PCDHA12: variants seen among roughly 807,000 people sequenced by gnomAD.
PCDHA12 encodes protocadherin alpha-12.
In PCDHA12, 44 loss-of-function variants were observed where a neutral mutation model predicts 60.0. That is an observed-to-expected ratio of 0.73 (90% CI 0.58 to 0.94). PCDHA12 has a LOEUF of 0.94. Ranked by LOEUF, PCDHA12 falls within the 40% of genes least tolerant of loss-of-function variation. The pLI is 0.00. For synonymous variants in PCDHA12, 569 were observed against 553.0 expected, an observed-to-expected ratio of 1.03 and a Z score of -0.40; for missense variants, 1,276 against 1,239.7, an observed-to-expected ratio of 1.03 and a Z score of -0.44.
intron 2 of PCDHA12, among the ~76,000 whole-genome samples, chr5:140,979,920 C>T (rs1554241253): frequency 6.6e-6 from 1 of 152,206 alleles, no homozygotes; most frequent in Non-Finnish European, 1.5e-5. Flanking sequence ...AAGAGAAAGC[C>T]TACAAAGTAT....
intron 3 of PCDHA12, among the ~76,000 whole-genome samples, chr5:141,002,612 C>G (rs1487847560): frequency 1.3e-5 from 2 of 152,178 alleles, no homozygotes; most frequent in Non-Finnish European, 2.9e-5. Context: ...AAAACAGACA[C>G]ATAACACAGA....
intron 3 of PCDHA12, among the ~76,000 whole-genome samples, chr5:140,983,419 A>G (rs1209385386): frequency 5.3e-5 from 8 of 152,210 alleles, no homozygotes; most frequent in Non-Finnish European, 1.2e-4. Flanking sequence ...GTGTTGGTAG[A>G]GACCACAAAT....
chr5:140,959,320 A>C (rs2095480939), intron 1 of PCDHA12, among the ~76,000 whole-genome samples: 1 of 152,108 alleles, frequency 6.6e-6, no homozygotes, highest in Non-Finnish European at 1.5e-5. Context: ...AGCTGCAATA[A>C]GTTTTGATTA....
At position 140,876,684 on chromosome 5, in the gene PCDHA12, C is replaced by T. The variant is rs973560970; in HGVS notation, c.1212C>T (p.Tyr404=). 1.8e-5 allele frequency: 29 copies of T among 1,614,110 alleles called. No individual in the cohort carries two copies. The highest frequency in any genetic ancestry group is 3.3e-5 in the Admixed American group (2 of 60,008). The change falls in exon 1 of 4, where the codon TAC becomes TAT. Residue 404 remains tyrosine (Y), a synonymous_variant. Transcript: ENST00000398631. ...PFKLVSTYKN[Y]YSLVLDSALD... ...AGCTGGTGTCCACCTACAAGAATTACTACTCGTTGGTGCTGGACAGCGCCC... is the reference window on the plus strand; with the variant it reads ...AGCTGGTGTCCACCTACAAGAATTATTACTCGTTGGTGCTGGACAGCGCCC...
At chr5:140,908,179 C>T (rs1158845408) in intron 1 of PCDHA12, among the ~76,000 whole-genome samples, 1 of 152,194 alleles carries the variant, frequency 6.6e-6, no homozygotes, top group Non-Finnish European at 1.5e-5. Context: ...CAGCTGTCCA[C>T]TTTCAGGTGG....
intron 1 of PCDHA12, among the ~76,000 whole-genome samples, chr5:140,888,192 A>T (rs906159358): frequency 6.6e-6 from 1 of 152,120 alleles, no homozygotes; most frequent in Non-Finnish European, 1.5e-5. Context: ...TGAATTTTAC[A>T]TTGTCGGATG....
In PCDHA12 at chr5:140,876,283, G is replaced by T; in HGVS notation, c.811G>T (p.Glu271Ter). The change falls in exon 1 of 4, where the codon GAA becomes TAA. Residue 271 changes from glutamate to a stop codon, truncating the protein, a stop_gained. Transcript: ENST00000398631. LOFTEE classifies it high-confidence loss of function. ...CCAACTAAATGCTTCCGATCCAGAC[G>T]AAGGACTTAATGGAGAAATTTCCTA... ...VIQLNASDPD[E>*]GLNGEISYGI... 6.2e-7 allele frequency: 1 copy of T among 1,614,056 alleles called. No individual in the cohort carries two copies. The highest frequency in any genetic ancestry group is 8.5e-7 in the Non-Finnish European group (1 of 1,179,904).
rs1554254172 is a variant in PCDHA12, at chr5:140,994,436, C to G, written c.2515+11873C>G. On this transcript the variant is annotated intron_variant, in intron 3 of 3. Coordinates refer to ENST00000398631, the MANE Select transcript of PCDHA12 (RefSeq NM_018903.4). ...TGGATATTGAGGCCGGGCGCAGTGG[C>G]TCACACCTGTGATCCCAGCACTTTG... 1.3e-5 allele frequency among the ~76,000 whole-genome samples: 2 copies of G among 152,164 alleles called. 1 individual carries two copies. Among genetic ancestry groups the G allele is most frequent in the African/African-American group, 4.8e-5 (2 of 41,432 alleles).
At chr5:140,919,932 C>A (rs2079357842) in intron 1 of PCDHA12, among the ~76,000 whole-genome samples, 1 of 151,968 alleles carries the variant, frequency 6.6e-6, no homozygotes, top group Non-Finnish European at 1.5e-5. Flanking sequence ...CAGGTGGGGG[C>A]TAATTCCAGT....
intron 1 of PCDHA12, among the ~76,000 whole-genome samples, chr5:140,922,977 G>C (rs935363543): frequency 3.9e-5 from 6 of 152,204 alleles, no homozygotes; most frequent in Non-Finnish European, 5.9e-5. Context: ...GCATATCTCA[G>C]ACAATAGGCA....
intron 2 of PCDHA12, among the ~76,000 whole-genome samples, chr5:140,979,343 AATT>A (rs1482354475): frequency 8.6e-5 from 13 of 152,024 alleles, no homozygotes; most frequent in African/African-American, 3.1e-4. Flanking sequence ...TAAAAACTGT[AATT>A]AATACTCATG....
intron 1 of PCDHA12, among the ~76,000 whole-genome samples, chr5:140,925,950 A>G (rs2082820493): frequency 6.6e-6 from 1 of 152,030 alleles, no homozygotes. Flanking sequence ...GGAGAAGGAG[A>G]AACTGCTATC....
intron 1 of PCDHA12, chr5:140,967,365 T>G: frequency 6.2e-7 from 1 of 1,607,630 alleles, no homozygotes; most frequent in Non-Finnish European, 8.5e-7. Flanking sequence ...CTTAAGCCCC[T>G]GCAGGAGAAC....
chr5:140,904,589 G>A (rs1562945664), intron 1 of PCDHA12, among the ~76,000 whole-genome samples: 1 of 151,976 alleles, frequency 6.6e-6, no homozygotes, highest in Non-Finnish European at 1.5e-5. Flanking sequence ...CCAGTAGTGG[G>A]ACTGCTGGAT....
chr5:140,998,491 A>G (rs994652769), intron 3 of PCDHA12, among the ~76,000 whole-genome samples: 15 of 152,288 alleles, frequency 9.8e-5, no homozygotes, highest in African/African-American at 3.1e-4. Flanking sequence ...TAACTCTTTG[A>G]GAACAGGGTA....
At chr5:140,986,231 C>A (rs2097191592) in intron 3 of PCDHA12, among the ~76,000 whole-genome samples, 1 of 152,210 alleles carries the variant, frequency 6.6e-6, no homozygotes, top group African/African-American at 2.4e-5. Context: ...AGCCTCCCCT[C>A]TGTGTGAGCA....
rs1214693088 is a variant in PCDHA12, at chr5:140,904,196, C to T, written c.2367+26357C>T. Among the ~76,000 whole-genome samples the T allele has an allele frequency of 1.1e-4, 17 of 152,034 alleles. No homozygotes were observed. In the East Asian group the frequency reaches 3.3e-3, roughly 29 times the overall value. On this transcript the variant is annotated intron_variant, in intron 1 of 3. Transcript: ENST00000398631. ...TTCCTCACCCCCTTCCCACCCTTTC[C>T]CCCTAAGTCCCCAAAGTCCATTGTA... is the stretch of plus-strand genomic sequence containing the variant.
intron 1 of PCDHA12, chr5:140,966,878 G>A (rs2096064555): frequency 6.3e-7 from 1 of 1,587,174 alleles, no homozygotes; most frequent in African/African-American, 1.3e-5. Flanking sequence ...GCTGCTACCT[G>A]GCCCTGCGGC....
intron 1 of PCDHA12, chr5:140,929,409 T>G: frequency 6.6e-7 from 1 of 1,506,206 alleles, no homozygotes; most frequent in Non-Finnish European, 8.9e-7. Context: ...GACAAGCCTT[T>G]CACAACATTT....
Sources: allele counts gnomAD v4.1 joint callset (sites outside exome capture counted in the v4.1 genomes callset), GRCh38; gene constraint gnomAD v4.1.1; transcripts MANE v1.5; gene names NCBI Gene and HGNC (gene_info 2026-07-23, HGNC 2026-07-21).